The following GRAMD2B variants were observed in gnomAD, a reference collection of about 807,000 sequenced individuals.
GRAMD2B encodes GRAM domain-containing protein 2B.
In GRAMD2B, 41 loss-of-function variants were observed where a neutral mutation model predicts 59.2. That is an observed-to-expected ratio of 0.69 (90% confidence interval 0.54 to 0.90). The LOEUF is 0.90. GRAMD2B is among the 40% of genes least tolerant of loss of function. GRAMD2B has a pLI of 0.00. For synonymous variants in GRAMD2B, 161 were observed against 182.7 expected, an observed-to-expected ratio of 0.88 and a Z score of 0.96; for missense variants, 424 against 500.5, an observed-to-expected ratio of 0.85 and a Z score of 1.46.
At chr5:126,443,756 C>T (rs1201575036) in intron 1 of GRAMD2B, among the ~76,000 whole-genome samples, 1 of 152,150 alleles carries the variant, frequency 6.6e-6, no homozygotes, top group African/African-American at 2.4e-5. Context: ...AGCTGTAAAA[C>T]ATACAGAGGC....
At chr5:126,444,695 C>T (rs989829375) in intron 1 of GRAMD2B, among the ~76,000 whole-genome samples, 1 of 152,172 alleles carries the variant, frequency 6.6e-6, no homozygotes, top group Admixed American at 6.5e-5. Context: ...TTCTTCTCCT[C>T]TTCAACTTTT....
chr5:126,409,659 G>T (rs1006689779), intron 1 of GRAMD2B, among the ~76,000 whole-genome samples: 20 of 152,120 alleles, frequency 1.3e-4, no homozygotes, highest in Non-Finnish European at 2.6e-4. Flanking sequence ...TCTGATGGTA[G>T]TGTCTTTTGC....
At chr5:126,485,843 AC>A (rs1772808475) in intron 11 of GRAMD2B, 70 bp downstream of exon 11, 1 of 895,066 alleles carries the variant, frequency 1.1e-6, no homozygotes, top group Admixed American at 2.1e-5. Context: ...ATCTCTTCAC[AC>A]TGCCAAGACC....
At chr5:126,408,470 A>G (rs895234247) in intron 1 of GRAMD2B, among the ~76,000 whole-genome samples, 1 of 151,626 alleles carries the variant, frequency 6.6e-6, no homozygotes, top group African/African-American at 2.4e-5. Flanking sequence ...GTACTCAGTA[A>G]TGGGATTGCT....
At chr5:126,388,353 A>G (rs1756370944) in intron 1 of GRAMD2B, among the ~76,000 whole-genome samples, 2 of 151,852 alleles carry the variant, frequency 1.3e-5, no homozygotes, top group South Asian at 4.2e-4. Context: ...AGCCTGGGTG[A>G]CAAAGTGAGA....
chr5:126,493,910 C>CT lies in GRAMD2B; in HGVS notation c.*955dup, dbSNP rs977345378. The stretch of plus-strand genomic sequence containing the variant: ...AATAAAATAACTGGTGGTTTGCTAA[C>CT]TATTTACCATATGGGTTGGCTGGTT... On this transcript the variant is annotated 3_prime_UTR_variant, in exon 14 of 14. Coordinates refer to ENST00000285689, the MANE Select transcript of GRAMD2B (RefSeq NM_023927.4). 19 of 152,580 alleles carry CT rather than the reference C, an allele frequency of 1.2e-4. No homozygotes were observed. The highest frequency in any genetic ancestry group is 4.6e-4 in the African/African-American group (19 of 41,422). 9.5% of individuals were successfully genotyped at this position (152,580 alleles called of 1,614,324 possible). A position where few individuals can be genotyped will look rare whatever the true frequency, so the allele number is the denominator to read the frequency against.
At chr5:126,469,561 G>A (rs1769146674) in intron 2 of GRAMD2B, 116 bp from the exon 3 acceptor site, 1 of 704,656 alleles carries the variant, frequency 1.4e-6, no homozygotes, top group Non-Finnish European at 2.5e-6. Context: ...CTTGAGTCCT[G>A]GACGGGGAGG....
chr5:126,370,283 C>T (rs567747439), upstream of GRAMD2B, among the ~76,000 whole-genome samples: 1 of 152,306 alleles, frequency 6.6e-6, no homozygotes, highest in South Asian at 2.1e-4. Flanking sequence ...CAGACCTGTC[C>T]CTGCCAGGTT....
chr5:126,415,801 A>T (rs1759218998), intron 1 of GRAMD2B, among the ~76,000 whole-genome samples: 1 of 152,198 alleles, frequency 6.6e-6, no homozygotes, highest in African/African-American at 2.4e-5. Context: ...AAATGCTGTA[A>T]TAATAGAAGT....
chr5:126,450,776 C>T (rs1040599750), intron 1 of GRAMD2B, among the ~76,000 whole-genome samples: 1 of 152,074 alleles, frequency 6.6e-6, no homozygotes, highest in Non-Finnish European at 1.5e-5. Flanking sequence ...AAGCTGTAAG[C>T]CTTGGTGGCT....
intron 1 of GRAMD2B, among the ~76,000 whole-genome samples, chr5:126,378,813 A>G (rs1755419897): frequency 6.6e-6 from 1 of 152,220 alleles, no homozygotes. Flanking sequence ...AATGGTTTTG[A>G]GTAGTTTTTA....
At chr5:126,369,411 AATGAG>A (rs1754627436), upstream of GRAMD2B, among the ~76,000 whole-genome samples, 1 of 152,184 alleles carries the variant, frequency 6.6e-6, no homozygotes, top group East Asian at 1.9e-4. Flanking sequence ...GCAACGATTA[AATGAG>A]ATGTTATATA....
chr5:126,434,071 AT>A (rs1345182153), intron 1 of GRAMD2B: 4 of 152,200 alleles, frequency 2.6e-5, no homozygotes, highest in Non-Finnish European at 5.9e-5. Context: ...GGATTAGATC[AT>A]TTTTTATCAG....
intron 1 of GRAMD2B, among the ~76,000 whole-genome samples, chr5:126,434,526 A>ATT (rs576454532): frequency 6.7e-6 from 1 of 148,874 alleles, no homozygotes; most frequent in Admixed American, 6.7e-5. Flanking sequence ...TTTTATTTTT[A>ATT]TTTTTTTTTG....
chr5:126,402,683 T>C (rs1757938935), intron 1 of GRAMD2B, among the ~76,000 whole-genome samples: 1 of 152,104 alleles, frequency 6.6e-6, no homozygotes, highest in African/African-American at 2.4e-5. Flanking sequence ...GATGTAAGGC[T>C]ATGAGCAGTA....
intron 1 of GRAMD2B, among the ~76,000 whole-genome samples, chr5:126,362,545 C>A (rs544239204): frequency 4.6e-5 from 7 of 152,198 alleles, no homozygotes; most frequent in Non-Finnish European, 7.4e-5. Flanking sequence ...TACCAAAAGT[C>A]CTGGCCTTGG....
At chr5:126,474,473 A>G (rs996723055) in intron 5 of GRAMD2B, among the ~76,000 whole-genome samples, 1 of 152,222 alleles carries the variant, frequency 6.6e-6, no homozygotes. Flanking sequence ...TTTGATCGAC[A>G]GTATTATCTG....
At chr5:126,453,535 C>A (rs1765741348) in intron 1 of GRAMD2B, among the ~76,000 whole-genome samples, 1 of 152,192 alleles carries the variant, frequency 6.6e-6, no homozygotes, top group South Asian at 2.1e-4. Flanking sequence ...AATTCACTAT[C>A]AGCAGCATCA....
chr5:126,471,579 AC>A (rs1445507632), intron 3 of GRAMD2B, among the ~76,000 whole-genome samples: 7 of 152,292 alleles, frequency 4.6e-5, no homozygotes, highest in African/African-American at 1.7e-4. Context: ...TCAGTAGCCT[AC>A]TACTGCATCC....
Sources: allele counts gnomAD v4.1 joint callset (sites outside exome capture counted in the v4.1 genomes callset), GRCh38; gene constraint gnomAD v4.1.1; transcripts MANE v1.5; gene names NCBI Gene and HGNC (gene_info 2026-07-23, HGNC 2026-07-21).